FRMD4B: variants seen among roughly 807,000 people sequenced by gnomAD.
The protein encoded by FRMD4B is FERM domain containing 4B, also known as FERM domain-containing protein 4B.
In FRMD4B, 74 loss-of-function variants were observed where a neutral mutation model predicts 141.5. That is an observed-to-expected ratio of 0.52 (90% CI 0.43 to 0.63). The LOEUF is 0.63. FRMD4B is among the 30% of genes least tolerant of loss of function. The pLI is 0.00. For synonymous variants in FRMD4B, 506 were observed against 467.9 expected (o/e 1.08, Z -1.05); for missense variants, 1,366 against 1,253.4 (o/e 1.09, Z -1.36).
intron 19 of FRMD4B, among the ~76,000 whole-genome samples, chr3:69,187,508 C>A (rs1472911091): frequency 6.7e-6 from 1 of 148,256 alleles, no homozygotes; most frequent in Non-Finnish European, 1.5e-5. Context: ...CCGTTGCACT[C>A]CAGCCTGGGC....
chr3:69,181,422 T>A lies in FRMD4B; in HGVS notation c.2328A>T (p.Ser776=). 1 of 1,613,962 alleles carries A rather than the reference T, an allele frequency of 6.2e-7. No individual in the cohort carries two copies. Among genetic ancestry groups the A allele is most frequent in the Non-Finnish European group, 8.5e-7 (1 of 1,179,878 alleles). The change falls in exon 21 of 23, where the codon TCA becomes TCT. Residue 776 remains serine, a synonymous_variant. Transcript: ENST00000398540. ...TTTGTGCTAGGTTGGGCATGCTTCCTGAATTTGAAGTAGAAACATTCTGTT... is the reference window on the plus strand; with the variant it reads ...TTTGTGCTAGGTTGGGCATGCTTCCAGAATTTGAAGTAGAAACATTCTGTT... The part of the protein sequence containing the change: ...SKKQNVSTSN[S]GSMPNLAQKD...
intron 1 of FRMD4B, among the ~76,000 whole-genome samples, chr3:69,474,444 G>T (rs1575815269): frequency 1.3e-5 from 2 of 152,082 alleles, no homozygotes; most frequent in Admixed American, 1.3e-4. Context: ...TCTAGTGTGT[G>T]TTCCAAGGGG....
intron 1 of FRMD4B, among the ~76,000 whole-genome samples, chr3:69,469,844 T>A (rs576651400): frequency 1.3e-5 from 2 of 152,334 alleles, no homozygotes; most frequent in East Asian, 3.9e-4. Flanking sequence ...AAATGATGCA[T>A]GAGAAGCCAC....
In FRMD4B at chr3:69,181,340, A is replaced by C; in HGVS notation, c.2410T>G (p.Tyr804Asp). 2.5e-6 allele frequency: 4 copies of C among 1,613,958 alleles called. No individual in the cohort carries two copies. Among genetic ancestry groups the C allele is most frequent in the Admixed American group, 3.3e-5 (2 of 60,024 alleles). The change falls in exon 21 of 23, where the codon TAC becomes GAC. Residue 804 changes from tyrosine to aspartate, a missense_variant. Transcript: ENST00000398540. ...SKSQEPPSSS[Y>D]YIAGYTPYAE... ...TAGGGTGTGTACCCGGCAATGTAGT[A>C]ACTGGAAGACGGTGGCTCCTGACTC...
chr3:69,237,643 C>CATT (rs2093354151), intron 7 of FRMD4B, among the ~76,000 whole-genome samples: 1 of 152,124 alleles, frequency 6.6e-6, no homozygotes, highest in Non-Finnish European at 1.5e-5. Context: ...TGCGAGCATG[C>CATT]ATTTCTACAC....
chr3:69,363,073 T>C (rs1703519373), intron 1 of FRMD4B, among the ~76,000 whole-genome samples: 2 of 151,942 alleles, frequency 1.3e-5, no homozygotes, highest in Admixed American at 1.3e-4. Context: ...GGTAGGGCAG[T>C]GCCAAGGTTG....
intron 4 of FRMD4B, among the ~76,000 whole-genome samples, chr3:69,293,343 G>C (rs1227399075): frequency 6.6e-6 from 1 of 151,946 alleles, no homozygotes; most frequent in Non-Finnish European, 1.5e-5. Flanking sequence ...CTCCAGTGCT[G>C]ATCAGTCTTG....
At chr3:69,509,113 G>A (rs892849521) in intron 1 of FRMD4B, among the ~76,000 whole-genome samples, 2 of 152,140 alleles carry the variant, frequency 1.3e-5, no homozygotes, top group African/African-American at 4.8e-5. Context: ...TGCAGCAGTG[G>A]GGTTTGTTCT....
rs143519953 is a variant in FRMD4B, at chr3:69,375,646, T to C, written c.162+10182A>G. On this transcript the variant is annotated intron_variant, in intron 1 of 22. Transcript: ENST00000398540. Reference sequence around the variant, plus strand: ...CAAATGAACAAATGAAAAAATTGTATCTTTATGTGTCATTTCTCTTAAAAT... The same window carrying C: ...CAAATGAACAAATGAAAAAATTGTACCTTTATGTGTCATTTCTCTTAAAAT... Among the ~76,000 whole-genome samples the C allele has an allele frequency of 6.4e-5, 5 of 78,542 alleles. No homozygotes were observed. The East Asian group carries it at 2.0e-3, about 32-fold the overall frequency. The allele number at this position is 78,542 out of a possible 152,430, so 51.5% of individuals were successfully genotyped here.
chr3:69,356,215 A>G (rs1457670403), intron 1 of FRMD4B, among the ~76,000 whole-genome samples: 1 of 152,166 alleles, frequency 6.6e-6, no homozygotes, highest in Non-Finnish European at 1.5e-5. Context: ...GATTGGATTG[A>G]AGGATGCCAA....
chr3:69,426,244 A>G (rs996551722), intron 2 of FRMD4B, among the ~76,000 whole-genome samples: 3 of 152,220 alleles, frequency 2.0e-5, no homozygotes, highest in Admixed American at 6.5e-5. Context: ...TGCTAAGGAT[A>G]AGGTATGAAT....
At chr3:69,538,275 C>G (rs1021688020) in intron 1 of FRMD4B, among the ~76,000 whole-genome samples, 3 of 151,812 alleles carry the variant, frequency 2.0e-5, no homozygotes, top group Non-Finnish European at 4.4e-5. Context: ...ACCGAAGTAC[C>G]TTTTAGTAAC....
At chr3:69,321,967 C>T (rs1702014921) in intron 1 of FRMD4B, among the ~76,000 whole-genome samples, 2 of 152,132 alleles carry the variant, frequency 1.3e-5, no homozygotes, top group Non-Finnish European at 2.9e-5. Flanking sequence ...CTTGGCTTCC[C>T]AAAGTGCTGG....
intron 1 of FRMD4B, among the ~76,000 whole-genome samples, chr3:69,322,030 A>G (rs903265543): frequency 2.0e-5 from 3 of 152,174 alleles, no homozygotes; most frequent in Non-Finnish European, 4.4e-5. Flanking sequence ...AAACAGACAG[A>G]GCACAATCCA....
intron 1 of FRMD4B, among the ~76,000 whole-genome samples, chr3:69,521,058 C>G (rs942898411): frequency 1.3e-5 from 2 of 152,114 alleles, no homozygotes; most frequent in African/African-American, 4.8e-5. Context: ...TGGGGAGTTT[C>G]TCTGCATGTA....
At chr3:69,356,427 T>G (rs2003264) in intron 1 of FRMD4B, among the ~76,000 whole-genome samples, 21,716 of 151,996 alleles carry the variant, frequency 0.14, 1,944 homozygotes, top group African/African-American at 0.24. Context: ...TCTCTCGTGC[T>G]GGATGCTTCC....
At chr3:69,460,146 G>T in intron 1 of FRMD4B, among the ~76,000 whole-genome samples, 1 of 152,150 alleles carries the variant, frequency 6.6e-6, no homozygotes, top group Admixed American at 6.5e-5. Context: ...AATGCCATTT[G>T]TTGGAAATTC....
chr3:69,197,885 G>A (rs1336992922), intron 12 of FRMD4B: 2 of 152,324 alleles, frequency 1.3e-5, no homozygotes, highest in Non-Finnish European at 2.9e-5. Flanking sequence ...AGCACTTTGG[G>A]AGGCGGAGAC....
chr3:69,189,314 G>GAAACAACAAAATGACA (rs953248486), intron 18 of FRMD4B, among the ~76,000 whole-genome samples: 45 of 150,524 alleles, frequency 3.0e-4, no homozygotes, highest in Admixed American at 2.4e-3. Context: ...CTGCCTCTAT[G>GAAACAACAAAATGACA]AAACAACAAA....
Sources: allele counts gnomAD v4.1 joint callset (sites outside exome capture counted in the v4.1 genomes callset), GRCh38; gene constraint gnomAD v4.1.1; transcripts MANE v1.5; gene names NCBI Gene and HGNC (gene_info 2026-07-23, HGNC 2026-07-21).